The following NCKAP5 variants were observed in gnomAD, a reference collection of about 807,000 sequenced individuals.
NCKAP5 encodes the protein nck-associated protein 5.
NCKAP5 carries 92 observed loss-of-function variants against 167.0 expected under a neutral mutation model. That is an observed-to-expected ratio of 0.55 (90% CI 0.47 to 0.66). NCKAP5 has a LOEUF of 0.66. NCKAP5 is among the 30% of genes least tolerant of loss of function. NCKAP5 has a pLI of 0.00. For synonymous variants in NCKAP5, 891 were observed against 877.4 expected, an observed-to-expected ratio of 1.02 and a Z score of -0.27; for missense variants, 2,378 against 2,315.0, an observed-to-expected ratio of 1.03 and a Z score of -0.56.
At chr2:133,092,712 C>T (rs75443421) in intron 6 of NCKAP5, among the ~76,000 whole-genome samples, 1,614 of 152,260 alleles carry the variant, frequency 0.011, 30 homozygotes, top group Non-Finnish European at 0.014. Flanking sequence ...TACAGTGGCC[C>T]TAGAAAAGTA....
chr2:132,789,182 G>A (rs1384350980), intron 13 of NCKAP5, among the ~76,000 whole-genome samples: 1 of 152,224 alleles, frequency 6.6e-6, no homozygotes, highest in Non-Finnish European at 1.5e-5. Flanking sequence ...ACAAAGAGGT[G>A]TGAAAGTGAA....
intron 3 of NCKAP5, among the ~76,000 whole-genome samples, chr2:133,457,647 A>G (rs1412253050): frequency 6.6e-6 from 1 of 152,188 alleles, no homozygotes; most frequent in African/African-American, 2.4e-5. Flanking sequence ...ACAGATCAAA[A>G]TTAACACTCA....
intron 11 of NCKAP5, among the ~76,000 whole-genome samples, chr2:132,849,988 C>G (rs796298092): frequency 1.7e-4 from 26 of 152,292 alleles, no homozygotes; most frequent in African/African-American, 5.8e-4. Context: ...CTTCTCTAAA[C>G]AGAATGTGCA....
chr2:132,700,694 G>A (rs1364164666), intron 19 of NCKAP5, among the ~76,000 whole-genome samples: 1 of 152,114 alleles, frequency 6.6e-6, no homozygotes, highest in Non-Finnish European at 1.5e-5. Flanking sequence ...AAACATTTAT[G>A]GACTTCAAAC....
rs184019605 is a variant in NCKAP5, at chr2:132,740,282, A to G, written c.5129-8231T>C. Among the ~76,000 whole-genome samples, 532 of 152,314 alleles carry G rather than the reference A, an allele frequency of 3.5e-3. 3 individuals are homozygous for G. Among genetic ancestry groups the G allele is most frequent in the Admixed American group, 9.0e-3 (138 of 15,292 alleles). ...CATACCATCTTATTAATTGGCATGCATTCCTATAATGCAAGTGGTCATGTA... is the reference window on the plus strand; with the variant it reads ...CATACCATCTTATTAATTGGCATGCGTTCCTATAATGCAAGTGGTCATGTA... On this transcript the variant is annotated intron_variant, in intron 16 of 19. Coordinates refer to ENST00000409261, the MANE Select transcript of NCKAP5 (RefSeq NM_207363.3).
At chr2:132,997,577 A>G (rs1332231472) in intron 6 of NCKAP5, among the ~76,000 whole-genome samples, 2 of 152,174 alleles carry the variant, frequency 1.3e-5, no homozygotes, top group Non-Finnish European at 2.9e-5. Flanking sequence ...TTAAGAGATC[A>G]TGGTTAGTTG....
chr2:133,320,136 G>C (rs1234479005), intron 3 of NCKAP5, among the ~76,000 whole-genome samples: 1 of 152,168 alleles, frequency 6.6e-6, no homozygotes, highest in Non-Finnish European at 1.5e-5. Flanking sequence ...GACTAAGGCT[G>C]TCTCAGCTAT....
intron 11 of NCKAP5, among the ~76,000 whole-genome samples, chr2:132,814,274 G>C (rs1686101349): frequency 6.6e-6 from 1 of 152,090 alleles, no homozygotes; most frequent in South Asian, 2.1e-4. Flanking sequence ...TAAATCCACT[G>C]TTACTTTACC....
At chr2:133,483,072 C>T (rs555167891) in intron 3 of NCKAP5, among the ~76,000 whole-genome samples, 3 of 152,086 alleles carry the variant, frequency 2.0e-5, no homozygotes, top group Admixed American at 1.3e-4. Flanking sequence ...TTTAACATTC[C>T]TTTATCTATC....
intron 8 of NCKAP5, among the ~76,000 whole-genome samples, chr2:132,947,631 A>G (rs1190749592): frequency 6.6e-6 from 1 of 152,138 alleles, no homozygotes; most frequent in East Asian, 1.9e-4. Context: ...ATTAAAACAA[A>G]TGTTACAATT....
rs551093166 is a variant in NCKAP5 at position 133,063,553 on chromosome 2, G to A, written c.341+66425C>T. Among the ~76,000 whole-genome samples the A allele has an allele frequency of 5.3e-5, 8 of 152,298 alleles. No homozygotes were observed. The East Asian group carries it at 9.6e-4, about 18-fold the overall frequency. ...TTTCCTCTAAAGCTTTTTATGTGAC[G>A]AAAAGCTGAGAAGCTCTGTGACTAG... is the stretch of plus-strand genomic sequence containing the variant. On this transcript the variant is annotated intron_variant, in intron 6 of 19. Transcript: ENST00000409261.
intron 6 of NCKAP5, among the ~76,000 whole-genome samples, chr2:133,005,041 G>A (rs1400911803): frequency 6.6e-6 from 1 of 152,110 alleles, no homozygotes; most frequent in Non-Finnish European, 1.5e-5. Context: ...CTGTTATCCT[G>A]TTCTTTTCTA....
intron 3 of NCKAP5, among the ~76,000 whole-genome samples, chr2:133,377,209 T>C (rs961735169): frequency 2.0e-5 from 3 of 152,348 alleles, no homozygotes; most frequent in African/African-American, 7.2e-5. Flanking sequence ...TTTAGGTTAA[T>C]ATTGCCAAGA....
chr2:133,392,861 G>T (rs1187093575), intron 3 of NCKAP5, among the ~76,000 whole-genome samples: 1 of 152,158 alleles, frequency 6.6e-6, no homozygotes, highest in Non-Finnish European at 1.5e-5. Flanking sequence ...AATGTAGAGG[G>T]ATCATGTGTA....
intron 2 of NCKAP5, among the ~76,000 whole-genome samples, chr2:133,543,665 G>A (rs2104900296): frequency 6.6e-6 from 1 of 152,310 alleles, no homozygotes. Flanking sequence ...TCCCCTGTGG[G>A]AAATGAAGGT....
At chr2:133,299,047 T>A (rs921480445) in intron 4 of NCKAP5, among the ~76,000 whole-genome samples, 11 of 151,572 alleles carry the variant, frequency 7.3e-5, no homozygotes, top group Middle Eastern at 3.4e-3. Flanking sequence ...TAAAAATAAA[T>A]AAATAAATAA....
At chr2:133,434,276 C>T (rs1357323484) in intron 3 of NCKAP5, among the ~76,000 whole-genome samples, 2 of 152,164 alleles carry the variant, frequency 1.3e-5, no homozygotes, top group African/African-American at 2.4e-5. Context: ...AAAAACGCTC[C>T]TTTTCAAGAA....
At chr2:133,245,437 A>G (rs1423825792) in intron 4 of NCKAP5, among the ~76,000 whole-genome samples, 1 of 152,174 alleles carries the variant, frequency 6.6e-6, no homozygotes, top group Admixed American at 6.5e-5. Context: ...ACAGAGGTCT[A>G]ATATGGGGAA....
intron 4 of NCKAP5, among the ~76,000 whole-genome samples, chr2:133,252,980 ACT>A (rs1312027120): frequency 6.6e-5 from 10 of 152,220 alleles, no homozygotes; most frequent in African/African-American, 2.4e-4. Flanking sequence ...TGAGGTGAAG[ACT>A]CTGTCAGTCC....
Sources: gnomAD v4.1 joint callset for allele counts (sites outside exome capture counted in the v4.1 genomes callset) on GRCh38, gnomAD v4.1.1 for gene constraint, MANE v1.5 for transcripts, NCBI Gene and HGNC (gene_info 2026-07-23, HGNC 2026-07-21) for gene names.